MELTF: variants seen among roughly 807,000 people sequenced by gnomAD.
The protein encoded by MELTF is antigen p97 (melanoma associated) identified by monoclonal antibodies 133.2 and 96.5.
Under a neutral mutation model 83.7 loss-of-function variants are expected in MELTF, and 67 were observed. That is an observed-to-expected ratio of 0.80 (90% CI 0.66 to 0.98). The LOEUF (loss-of-function observed/expected upper bound fraction) is 0.98, where lower values mean the gene tolerates loss of function less well. Among genes scored for constraint, MELTF ranks in the 50% least tolerant of loss-of-function variants. The pLI, the probability that MELTF is intolerant of heterozygous loss-of-function variation, is 0.00. For missense variants in MELTF, 1,002 were observed against 1,035.6 expected (o/e 0.97, Z 0.44); for synonymous variants, 462 against 447.6 (o/e 1.03, Z -0.41).
chr3:197,003,669 C>G lies in MELTF; in HGVS notation c.2138-218G>C. 1 of 661,660 alleles carries G rather than the reference C, an allele frequency of 1.5e-6. No homozygotes were observed. Among genetic ancestry groups the G allele is most frequent in the African/African-American group, 1.8e-5 (1 of 55,124 alleles). 41.0% of individuals were successfully genotyped at this position (661,660 alleles called of 1,614,324 possible). On this transcript the variant is annotated intron_variant, in intron 15 of 15. Transcript: ENST00000296350. The surrounding 1 kb of genome is among the most constrained non-coding windows in gnomAD (Gnocchi z 6.2). ...TGGCCCCAGATCCTCCCCGCGCCGCCGTTTTGAGCGTTCACACTCATTACC... is the reference window on the plus strand; with the variant it reads ...TGGCCCCAGATCCTCCCCGCGCCGCGGTTTTGAGCGTTCACACTCATTACC...
chr3:197,019,189 GC>G (rs1719521494), intron 6 of MELTF: 2 of 1,000,988 alleles, frequency 2.0e-6, no homozygotes, highest in Non-Finnish European at 2.4e-6. Context: ...TCCTACCCCC[GC>G]TTCCCAACTT....
intron 7 of MELTF, 148 bp downstream of exon 7, chr3:197,016,955 G>T: frequency 1.1e-6 from 1 of 900,452 alleles, no homozygotes; most frequent in African/African-American, 1.7e-5. Context: ...AGCATAGTCG[G>T]TTCCTCACTC....
chr3:197,026,330 G>A (rs960334142), intron 3 of MELTF: 8 of 249,694 alleles, frequency 3.2e-5, no homozygotes, highest in Admixed American at 1.9e-4. Flanking sequence ...CATTAAGGAC[G>A]CCTTGCTCAC....
intron 6 of MELTF, chr3:197,019,089 C>T (rs765849441): frequency 6.9e-5 from 68 of 985,396 alleles, no homozygotes; most frequent in East Asian, 1.1e-4. Flanking sequence ...ACCAAACACC[C>T]GCACCAGAGT....
At chr3:197,014,231 C>A (rs1023297683) in intron 9 of MELTF, among the ~76,000 whole-genome samples, 1 of 151,996 alleles carries the variant, frequency 6.6e-6, no homozygotes, top group Admixed American at 6.6e-5. Flanking sequence ...TGGGGGACAC[C>A]GTGTTATGTG....
chr3:197,004,378 C>G, intron 14 of MELTF: 1 of 490,508 alleles, frequency 2.0e-6, no homozygotes, highest in South Asian at 2.1e-5. Context: ...CCTGAGATGT[C>G]CAGGAAGAAA....
At chr3:197,028,057 T>C in intron 1 of MELTF, 147 bp from the exon 2 acceptor site, 1 of 877,884 alleles carries the variant, frequency 1.1e-6, no homozygotes. Context: ...AGGGAGGCAC[T>C]AGGCGCAGAG....
intron 10 of MELTF, among the ~76,000 whole-genome samples, 177 bp downstream of exon 10, chr3:197,010,521 T>C: frequency 6.6e-6 from 1 of 152,210 alleles, no homozygotes; most frequent in South Asian, 2.1e-4. Flanking sequence ...GAGACGTTTG[T>C]TGAATAGTTG....
At position 197,003,881 on chromosome 3, in the gene MELTF, G is replaced by A; in HGVS notation, c.2137+20C>T. On this transcript the variant is annotated intron_variant, in intron 15 of 15. Transcript: ENST00000296350. This position sits in a 1 kb window ranked among gnomAD's most constrained non-coding sequence, Gnocchi z 6.2. ...GGTCTGAATAGCACCAGGGGAGGCGGCAGGGCGGGCCTGTCCTACCTGCGC... is the reference window on the plus strand; with the variant it reads ...GGTCTGAATAGCACCAGGGGAGGCGACAGGGCGGGCCTGTCCTACCTGCGC... The A allele has an allele frequency of 6.2e-7, 1 of 1,609,652 alleles. No individual in the cohort carries two copies. The highest frequency in any genetic ancestry group is 8.5e-7 in the Non-Finnish European group (1 of 1,178,150).
At position 197,003,752 on chromosome 3, in the gene MELTF, CAAAATCCTCCCGGGACA is replaced by C; in HGVS notation, c.2137+132_2137+148del. 1.1e-6 allele frequency: 1 copy of C among 899,732 alleles called. No individual in the cohort carries two copies. The highest frequency in any genetic ancestry group is 1.7e-5 in the South Asian group (1 of 58,694). 55.7% of individuals were successfully genotyped at this position (899,732 alleles called of 1,614,324 possible). ...CCCTCCCGGCCCGCAGCCTCCTGGC[CAAAATCCTCCCGGGACA>C]CCCCACCTGGACTGCTGCGAACGGG... On this transcript the variant is annotated intron_variant, in intron 15 of 15. Coordinates refer to ENST00000296350, the MANE Select transcript of MELTF (RefSeq NM_005929.6). The surrounding 1 kb of genome is among the most constrained non-coding windows in gnomAD (Gnocchi z 6.2).
chr3:197,006,787 G>A lies in MELTF; in HGVS notation c.1751-51C>T, dbSNP rs201340587. 2.8e-6 allele frequency: 4 copies of A among 1,436,536 alleles called. No individual in the cohort carries two copies. The East Asian group carries it at 1.1e-4, about 39-fold the overall frequency. The allele number at this position is 1,436,536 out of a possible 1,614,324, so 89.0% of individuals were successfully genotyped here. A position where few individuals can be genotyped will look rare whatever the true frequency, so the allele number is the denominator to read the frequency against. On this transcript the variant is annotated intron_variant, in intron 13 of 15. Coordinates refer to ENST00000296350, the MANE Select transcript of MELTF (RefSeq NM_005929.6). The surrounding 1 kb of genome is among the most constrained non-coding windows in gnomAD (Gnocchi z 5.4). ...GGGGACGTTCCGGGAGTGGAGAGAA[G>A]TGTAAAGAGAAGCTGCTATCCTGGG...
intron 6 of MELTF, among the ~76,000 whole-genome samples, chr3:197,018,402 C>T (rs539173497): frequency 2.6e-5 from 4 of 152,070 alleles, no homozygotes; most frequent in East Asian, 1.9e-4. Context: ...CCACCCACCT[C>T]GGCCTCCCAA....
chr3:197,006,634 T>C lies in MELTF; in HGVS notation c.1853A>G (p.Asn618Ser), dbSNP rs9835920. 17 of 1,611,988 alleles carry C rather than the reference T, an allele frequency of 1.1e-5. No homozygotes were observed. In the African/African-American group the frequency reaches 1.6e-4, roughly 15 times the overall value. Residue 618 changes from asparagine to serine, a missense_variant, in exon 14 of 16, where the codon AAC becomes AGC. Coordinates refer to ENST00000296350, the MANE Select transcript of MELTF (RefSeq NM_005929.6). This position sits in a 1 kb window ranked among gnomAD's most constrained non-coding sequence, Gnocchi z 5.4. ...RAEVSQFAAC[N>S]LAQIPPHAVM... ...GGCGTGGGGTGGTATCTGTGCCAGG[T>C]TGCAGGCTGCAAACTGGGACACCTC...
chr3:197,019,174 T>C, intron 6 of MELTF: 2 of 999,670 alleles, frequency 2.0e-6, no homozygotes, highest in Non-Finnish European at 2.4e-6. Flanking sequence ...AATGATTCAG[T>C]GTAGTCCTAC....
chr3:197,005,116 G>A (rs539654923), intron 14 of MELTF, among the ~76,000 whole-genome samples: 1 of 152,262 alleles, frequency 6.6e-6, no homozygotes, highest in Non-Finnish European at 1.5e-5. Context: ...AGCATAAGTC[G>A]GGGGAGGGGG....
Position 197,029,671 on chromosome 3 carries a change from A to T in MELTF, c.32T>A (p.Leu11His). Reference protein sequence around the residue: MRGPSGALWLLLALRTVLGGM... With the variant: MRGPSGALWLHLALRTVLGGM... ...GGCCTCACCGGTGCGCAGAGCCAGG[A>T]GCAGCCACAGAGCCCCGCTCGGACC... Residue 11 changes from leucine (L) to histidine (H), a missense_variant, in exon 1 of 16, where the codon CTC (leucine) becomes CAC (histidine). Leu to His is a moderately conservative substitution (Grantham distance 99). Transcript: ENST00000296350. The surrounding 1 kb of genome is among the most constrained non-coding windows in gnomAD (Gnocchi z 6.5). 2 of 1,247,488 alleles carry T rather than the reference A, an allele frequency of 1.6e-6. No homozygotes were observed. The highest frequency in any genetic ancestry group is 1.0e-6 in the Non-Finnish European group (1 of 997,308). 77.3% of individuals were successfully genotyped at this position (1,247,488 alleles called of 1,614,324 possible). A position where few individuals can be genotyped will look rare whatever the true frequency, so the allele number is the denominator to read the frequency against.
rs528484714 is a variant in MELTF, at chr3:197,022,049, C to T, written c.645-578G>A. 4.0e-4 allele frequency among the ~76,000 whole-genome samples: 61 copies of T among 152,212 alleles called. No individual in the cohort carries two copies. Among genetic ancestry groups the T allele is most frequent in the Non-Finnish European group, 7.9e-4 (54 of 68,010 alleles). ...TCAGGGTGTTTTGAAGAGCATTCTA[C>T]CCTGAGGCAGGGGATTGGACTAGAA... is the stretch of plus-strand genomic sequence containing the variant. On this transcript the variant is annotated intron_variant, in intron 5 of 15. Transcript: ENST00000296350. This position sits in a 1 kb window ranked among gnomAD's most constrained non-coding sequence, Gnocchi z 5.1.
intron 14 of MELTF, 96 bp from the exon 15 acceptor site, chr3:197,004,195 A>T (rs1718894489): frequency 8.6e-7 from 1 of 1,157,852 alleles, no homozygotes; most frequent in South Asian, 1.3e-5. Flanking sequence ...ACATACAGTG[A>T]CCCAAAGAGC....
At chr3:197,016,037 C>T in intron 8 of MELTF, 152 bp downstream of exon 8, 1 of 655,762 alleles carries the variant, frequency 1.5e-6, no homozygotes, top group Non-Finnish European at 2.4e-6. Context: ...TGCCTCCTCC[C>T]CAAAGCCCCA....
Sources: gnomAD v4.1 joint callset for allele counts (sites outside exome capture counted in the v4.1 genomes callset) on GRCh38, gnomAD v4.1.1 for gene constraint, Gnocchi (gnomAD v3.1) non-coding constraint, MANE v1.5 for transcripts, NCBI Gene and HGNC (gene_info 2026-07-23, HGNC 2026-07-21) for gene names.